The following GHRHR variants were observed in gnomAD, a reference collection of about 807,000 sequenced individuals.
The protein encoded by GHRHR is growth hormone-releasing hormone receptor.
In GHRHR, 40 loss-of-function variants were observed where a neutral mutation model predicts 58.3. The observed-to-expected ratio is 0.69, with a 90% CI of 0.53 to 0.89. The LOEUF is 0.89. GHRHR is among the 40% of genes least tolerant of loss of function. The probability of loss-of-function intolerance (pLI) is 0.00; values close to 1 mark genes in which losing one functional copy is unlikely to be tolerated. For synonymous variants in GHRHR, 249 were observed against 216.6 expected (o/e 1.15, Z -1.31); for missense variants, 551 against 541.3 (o/e 1.02, Z -0.18).
intron 1 of GHRHR, among the ~76,000 whole-genome samples, chr7:30,966,397 TGG>T (rs1201558693): frequency 6.2e-5 from 2 of 32,158 alleles, no homozygotes; most frequent in African/African-American, 2.6e-4. Flanking sequence ...TGTGTGTGTG[TGG>T]GGTGGGGGTG....
intron 1 of GHRHR, among the ~76,000 whole-genome samples, chr7:30,965,333 C>G (rs1285134224): frequency 6.6e-6 from 1 of 152,154 alleles, no homozygotes; most frequent in Non-Finnish European, 1.5e-5. Context: ...CCTGCAGATA[C>G]CAGGAAGAGC....
intron 12 of GHRHR, among the ~76,000 whole-genome samples, chr7:30,978,261 G>C (rs1792625580): frequency 6.6e-6 from 1 of 152,168 alleles, no homozygotes; most frequent in Non-Finnish European, 1.5e-5. Context: ...GTGTCTGGCT[G>C]TAGCAGACCA....
In GHRHR at chr7:30,979,220, A is replaced by C; in HGVS notation, c.1248A>C (p.Ala416=). 2 of 1,613,986 alleles carry C rather than the reference A, an allele frequency of 1.2e-6. No homozygotes were observed. The highest frequency in any genetic ancestry group is 1.7e-6 in the Non-Finnish European group (2 of 1,179,904). Residue 416 remains alanine, a synonymous_variant, in exon 13 of 13, where the codon GCA becomes GCC. Coordinates refer to ENST00000326139, the MANE Select transcript of GHRHR (RefSeq NM_000823.4). ...AKWTTPSRSA[A]KVLTSMC ...GGACCACGCCTTCCCGCTCGGCGGC[A>C]AAGGTGCTGACATCTATGTGCTAGG...
Position 30,975,040 on chromosome 7 carries a change from G to A in GHRHR, c.882G>A (p.Gly294=). The A allele has an allele frequency of 6.2e-7, 1 of 1,606,580 alleles. No individual in the cohort carries two copies. Among genetic ancestry groups the A allele is most frequent in the East Asian group, 2.2e-5 (1 of 44,840 alleles). The change falls in exon 9 of 13, where the codon GGG becomes GGA. Residue 294 remains glycine, a splice_region_variant and synonymous_variant. Coordinates refer to ENST00000326139, the MANE Select transcript of GHRHR (RefSeq NM_000823.4). ...AAGGGCCCATTGTCCTCTCGGTCGG[G>A]GTCAGTCCCTGGGCCAGTGCCCTTT... ...IIKGPIVLSV[G]VNFGLFLNII... is the part of the protein sequence containing the mutation.
At chr7:30,976,024 G>T in intron 10 of GHRHR, 156 bp downstream of exon 10, 1 of 661,864 alleles carries the variant, frequency 1.5e-6, no homozygotes, top group African/African-American at 1.8e-5. Flanking sequence ...TCCTTCTAGG[G>T]GATCACAATA....
At position 30,971,963 on chromosome 7, in the gene GHRHR, G is replaced by A. The variant is rs753393038; in HGVS notation, c.465G>A (p.Arg155=). ...FVAITILVAL[R]RLHCPRNYVH... is the part of the protein sequence containing the mutation. ...TCCTCATTTCTCCCATTACCCCCAG[G>A]AGGCTCCACTGCCCCCGGAACTACG... The change falls in exon 6 of 13, where the codon AGG becomes AGA. Residue 155 remains arginine (R), a splice_region_variant and synonymous_variant. Transcript: ENST00000326139. The A allele has an allele frequency of 1.9e-6, 3 of 1,613,822 alleles. No homozygotes were observed. In the Admixed American group the frequency reaches 5.0e-5, roughly 27 times the overall value.
Position 30,966,970 on chromosome 7 carries a change from C to A in GHRHR, c.58-1864C>A, listed in dbSNP as rs1371421470. ...GTCCTGCTTCTGATCACAGTTTGCG[C>A]AGGGTCTATTAGGATCCAGCCCTTC... On this transcript the variant is annotated intron_variant, in intron 1 of 12. Transcript: ENST00000326139. Among the ~76,000 whole-genome samples, 10 of 152,166 alleles carry A rather than the reference C, an allele frequency of 6.6e-5. No homozygotes were observed. In the East Asian group the frequency reaches 1.9e-3, roughly 29 times the overall value.
chr7:30,973,515 G>A (rs552918716), intron 6 of GHRHR, among the ~76,000 whole-genome samples: 1 of 152,314 alleles, frequency 6.6e-6, no homozygotes, highest in Admixed American at 6.5e-5. Context: ...CCTGCCGGCA[G>A]GTGATCAAGT....
Position 30,969,181 on chromosome 7 carries a change from C to G in GHRHR, c.268+11C>G, listed in dbSNP as rs1208805841. 1.3e-6 allele frequency: 2 copies of G among 1,500,494 alleles called. No homozygotes were observed. Among genetic ancestry groups the G allele is most frequent in the Non-Finnish European group, 9.1e-7 (1 of 1,100,908 alleles). 92.9% of individuals were successfully genotyped at this position (1,500,494 alleles called of 1,614,324 possible). ...TCAGCTCAGAGTCAGGTGAGGGGTGCTGGGTGTGGCGGTGGGAAAGGGAGG... is the reference window on the plus strand; with the variant it reads ...TCAGCTCAGAGTCAGGTGAGGGGTGGTGGGTGTGGCGGTGGGAAAGGGAGG... On this transcript the variant is annotated intron_variant, in intron 3 of 12. Transcript: ENST00000326139.
chr7:30,976,515 T>C lies in GHRHR; in HGVS notation c.1061T>C (p.Leu354Pro). The change falls in exon 11 of 13, where the codon CTG becomes CCG. Residue 354 changes from leucine to proline, a missense_variant. Leu to Pro is a moderately conservative substitution (Grantham distance 98). Coordinates refer to ENST00000326139, the MANE Select transcript of GHRHR (RefSeq NM_000823.4). ...AACTTCCTGCCAGACAATGCTGGCCTGGGCATCCGCCTCCCCCTGGAGCTG... is the reference window on the plus strand; with the variant it reads ...AACTTCCTGCCAGACAATGCTGGCCCGGGCATCCGCCTCCCCCTGGAGCTG... ...IFNFLPDNAG[L>P]GIRLPLELGL... The C allele has an allele frequency of 6.2e-7, 1 of 1,613,100 alleles. No homozygotes were observed. Among genetic ancestry groups the C allele is most frequent in the Non-Finnish European group, 8.5e-7 (1 of 1,179,142 alleles).
intron 4 of GHRHR, among the ~76,000 whole-genome samples, chr7:30,970,355 A>G (rs2128597528): frequency 6.6e-6 from 1 of 152,302 alleles, no homozygotes; most frequent in South Asian, 2.1e-4. Flanking sequence ...CGATGTGGGC[A>G]AGTGAGGGAA....
chr7:30,964,222 TCTC>T, intron 1 of GHRHR, 97 bp downstream of exon 1: 1 of 1,090,660 alleles, frequency 9.2e-7, no homozygotes, highest in Non-Finnish European at 1.4e-6. Context: ...CTACTGCCCT[TCTC>T]CTGCTCTAGA....
At chr7:30,964,923 C>T (rs893253965) in intron 1 of GHRHR, among the ~76,000 whole-genome samples, 1 of 152,160 alleles carries the variant, frequency 6.6e-6, no homozygotes, top group African/African-American at 2.4e-5. Flanking sequence ...CATTCTTCCT[C>T]CGCTGCCTTA....
Position 30,978,270 on chromosome 7 carries a change from C to G in GHRHR, c.1147-849C>G, listed in dbSNP as rs546887929. ...TATCTGGTGTCTGGCTGTAGCAGAC[C>G]ATGGGCCCTGGGGGTCCTGGGAGGG... is the stretch of plus-strand genomic sequence containing the variant. On this transcript the variant is annotated intron_variant, in intron 12 of 12. Coordinates refer to ENST00000326139, the MANE Select transcript of GHRHR (RefSeq NM_000823.4). Among the ~76,000 whole-genome samples, 190 of 152,246 alleles carry G rather than the reference C, an allele frequency of 1.2e-3. 1 individual carries two copies. The highest frequency in any genetic ancestry group is 4.5e-3 in the African/African-American group (185 of 41,536).
chr7:30,971,484 G>T (rs1409699281), intron 5 of GHRHR, among the ~76,000 whole-genome samples: 1 of 152,096 alleles, frequency 6.6e-6, no homozygotes, highest in Non-Finnish European at 1.5e-5. Flanking sequence ...AACTGAGAAA[G>T]CCCAGCTCCT....
intron 4 of GHRHR, chr7:30,970,844 C>A (rs943514563): frequency 5.9e-6 from 3 of 509,578 alleles, no homozygotes; most frequent in Non-Finnish European, 1.1e-5. Context: ...GTAGTTTCTG[C>A]GGCTGCCTCT....
At chr7:30,966,465 T>C (rs1350165335) in intron 1 of GHRHR, among the ~76,000 whole-genome samples, 1 of 152,084 alleles carries the variant, frequency 6.6e-6, no homozygotes, top group Non-Finnish European at 1.5e-5. Context: ...AATACACCTT[T>C]TCCCACTTCC....
At chr7:30,979,023 C>T in intron 12 of GHRHR, 96 bp from the exon 13 acceptor site, 1 of 1,188,438 alleles carries the variant, frequency 8.4e-7, no homozygotes, top group Non-Finnish European at 1.3e-6. Flanking sequence ...GTCTCTGTTT[C>T]TCTTACACGG....
chr7:30,974,552 C>T, intron 8 of GHRHR, 63 bp downstream of exon 8: 1 of 1,143,902 alleles, frequency 8.7e-7, no homozygotes, highest in South Asian at 1.2e-5. Context: ...AGTGGACAGT[C>T]AGGCCATGGG....
Sources: allele counts gnomAD v4.1 joint callset (sites outside exome capture counted in the v4.1 genomes callset), GRCh38; gene constraint gnomAD v4.1.1; transcripts MANE v1.5; gene names NCBI Gene and HGNC (gene_info 2026-07-23, HGNC 2026-07-21).